Variants in FUT8 observed in about 807,000 individuals in gnomAD.
FUT8 encodes the protein fucosyltransferase 8, also known as alpha-(1,6)-fucosyltransferase.
FUT8 carries 29 observed loss-of-function variants against 71.3 expected under a neutral mutation model. The ratio of observed to expected loss-of-function variants is 0.41; its 90% CI spans 0.30 to 0.55. The LOEUF (loss-of-function observed/expected upper bound fraction) is 0.55. FUT8 is among the 20% of genes least tolerant of loss of function. The pLI, the probability that FUT8 is intolerant of heterozygous loss-of-function variation, is 0.34. For synonymous variants in FUT8, 254 were observed against 239.3 expected (o/e 1.06, Z -0.57); for missense variants, 544 against 702.1 (o/e 0.77, Z 2.55).
the FUT8 span, among the ~76,000 whole-genome samples, chr14:65,386,288 A>G: frequency 6.6e-6 from 1 of 151,858 alleles, no homozygotes; most frequent in Admixed American, 6.6e-5. Flanking sequence ...GCCCAGGTGG[A>G]TGGCTTGAGC....
chr14:65,471,229 C>T (rs906839046), intron 2 of FUT8: 1 of 182,324 alleles, frequency 5.5e-6, no homozygotes, highest in South Asian at 1.4e-4. Context: ...CTCTTTTTCT[C>T]GGTCAAAGGA....
In FUT8 at chr14:65,742,215, T is replaced by G; in HGVS notation, c.1533T>G (p.Tyr511Ter). 1 of 1,613,242 alleles carries G rather than the reference T, an allele frequency of 6.2e-7. No individual in the cohort carries two copies. The highest frequency in any genetic ancestry group is 8.5e-7 in the Non-Finnish European group (1 of 1,179,448). The change falls in exon 11 of 11, where the codon TAT becomes TAG. Residue 511 changes from tyrosine to a stop codon, truncating the protein, a stop_gained. Transcript: ENST00000673929. LOFTEE classifies it high-confidence loss of function. ...GQNAHNQIAI[Y>*]AHQPRTADEI... ...ATGCCCACAATCAAATTGCCATTTA[T>G]GCTCACCAACCCCGAACTGCAGATG...
rs887051679 is a variant in FUT8 at position 65,627,734 on chromosome 14, G to T, written c.483-1758G>T. ...TCTGCCATTTTGCCTCTTAGTACGCGTTTGAGCCAACTCACACAACTCTTG... is the reference window on the plus strand; with the variant it reads ...TCTGCCATTTTGCCTCTTAGTACGCTTTTGAGCCAACTCACACAACTCTTG... On this transcript the variant is annotated intron_variant, in intron 5 of 10. Coordinates refer to ENST00000673929, the MANE Select transcript of FUT8 (RefSeq NM_001371533.1). This position sits in a 1 kb window ranked among gnomAD's most constrained non-coding sequence, Gnocchi z 4.0. Among the ~76,000 whole-genome samples the T allele has an allele frequency of 6.6e-6, 1 of 152,174 alleles. No homozygotes were observed. Among genetic ancestry groups the T allele is most frequent in the African/African-American group, 2.4e-5 (1 of 41,438 alleles).
the FUT8 span, among the ~76,000 whole-genome samples, chr14:65,381,353 G>A: frequency 1.3e-5 from 2 of 152,190 alleles, no homozygotes; most frequent in Non-Finnish European, 2.9e-5. Flanking sequence ...TGCAGGCCAG[G>A]CTTTAAAGGG....
chr14:65,639,682 A>G (rs1311452818), intron 6 of FUT8, among the ~76,000 whole-genome samples: 1 of 152,066 alleles, frequency 6.6e-6, no homozygotes, highest in Non-Finnish European at 1.5e-5. Context: ...AACTTTTATT[A>G]TGGAAAACTT....
the FUT8 span, among the ~76,000 whole-genome samples, chr14:65,368,906 C>T: frequency 3.0e-4 from 45 of 152,290 alleles, no homozygotes; most frequent in Non-Finnish European, 4.9e-4. Context: ...GCAATCCACC[C>T]GCCTTGGCCT....
chr14:65,418,313 A>C (rs2065247869), intron 1 of FUT8, among the ~76,000 whole-genome samples: 1 of 152,224 alleles, frequency 6.6e-6, no homozygotes. Context: ...TGGACAATGA[A>C]TGAGTTTTAA....
chr14:65,416,002 A>G lies in FUT8; in HGVS notation c.-326+2788A>G, dbSNP rs536096691. On this transcript the variant is annotated intron_variant, in intron 1 of 10. Transcript: ENST00000673929. Reference sequence around the variant, plus strand: ...ATCATTGGAATATTGGTTTTTTTGCAGATAGTGTTTGGGCTGTTTATTATC... The same window carrying G: ...ATCATTGGAATATTGGTTTTTTTGCGGATAGTGTTTGGGCTGTTTATTATC... Among the ~76,000 whole-genome samples the G allele has an allele frequency of 4.5e-4, 69 of 152,302 alleles. No individual in the cohort carries two copies. The South Asian group carries it at 0.014, about 32-fold the overall frequency.
chr14:65,656,033 C>G (rs1234113487), intron 6 of FUT8, among the ~76,000 whole-genome samples: 2 of 152,110 alleles, frequency 1.3e-5, no homozygotes, highest in Admixed American at 1.3e-4. Flanking sequence ...AGACTTTTCT[C>G]TAAGATCTGG....
intron 2 of FUT8, among the ~76,000 whole-genome samples, chr14:65,512,907 CA>C (rs35280167): frequency 1.1e-3 from 89 of 83,978 alleles, no homozygotes; most frequent in Middle Eastern, 6.3e-3. Flanking sequence ...GACTCTGTCT[CA>C]AAAAAAAAAA....
chr14:65,370,221 T>A, the FUT8 span, among the ~76,000 whole-genome samples: 2 of 144,410 alleles, frequency 1.4e-5, no homozygotes, highest in African/African-American at 5.1e-5. Flanking sequence ...TTTTTTTTTT[T>A]TTTTGAGACG....
chr14:65,634,771 T>C (rs923676281), intron 6 of FUT8, among the ~76,000 whole-genome samples: 3 of 152,176 alleles, frequency 2.0e-5, no homozygotes, highest in Non-Finnish European at 4.4e-5. Context: ...GTGTGATGCC[T>C]CCAGATTTAT....
In FUT8 at chr14:65,732,725, A is replaced by G. The variant is rs571083038; in HGVS notation, c.1260-506A>G. 9.0e-4 allele frequency among the ~76,000 whole-genome samples: 137 copies of G among 152,348 alleles called. 1 individual carries two copies. Among genetic ancestry groups the G allele is most frequent in the African/African-American group, 2.8e-3 (118 of 41,586 alleles). On this transcript the variant is annotated intron_variant, in intron 9 of 10. Coordinates refer to ENST00000673929, the MANE Select transcript of FUT8 (RefSeq NM_001371533.1). ...TTAAGGGAGACTGTTAGTTCTCACA[A>G]ATTTTTAAAATATTCATCTCTTAAC...
intron 5 of FUT8, among the ~76,000 whole-genome samples, chr14:65,616,706 G>A (rs970383952): frequency 3.3e-5 from 5 of 152,064 alleles, no homozygotes; most frequent in South Asian, 2.1e-4. Flanking sequence ...AGTGGAGTGT[G>A]CAGTTTTGCA....
At chr14:65,386,503 C>CAAAAA in the FUT8 span, among the ~76,000 whole-genome samples, 3 of 46,862 alleles carry the variant, frequency 6.4e-5, no homozygotes, top group Non-Finnish European at 1.5e-4. Flanking sequence ...GACCTCGTCT[C>CAAAAA]AAAAAAAAAA....
At chr14:65,663,916 A>G (rs1291100517) in intron 6 of FUT8, among the ~76,000 whole-genome samples, 8 of 152,102 alleles carry the variant, frequency 5.3e-5, no homozygotes, top group African/African-American at 1.9e-4. Flanking sequence ...TATAGTTTCC[A>G]AACTAAAGGT....
chr14:65,542,194 C>T (rs567133366), intron 2 of FUT8, among the ~76,000 whole-genome samples: 21 of 152,262 alleles, frequency 1.4e-4, no homozygotes, highest in South Asian at 6.2e-4. Context: ...GAGAGACCAG[C>T]GTAATAGGAA....
chr14:65,641,484 C>G (rs972162182), intron 6 of FUT8, among the ~76,000 whole-genome samples: 4 of 152,212 alleles, frequency 2.6e-5, no homozygotes, highest in East Asian at 1.9e-4. Context: ...TATGTACAAG[C>G]CTTTCTGTGG....
intron 3 of FUT8, among the ~76,000 whole-genome samples, chr14:65,575,847 T>G (rs1886743679): frequency 6.6e-6 from 1 of 152,188 alleles, no homozygotes; most frequent in South Asian, 2.1e-4. Context: ...CTCGAACTCC[T>G]GGCTTCAATT....
Sources: gnomAD v4.1 joint callset for allele counts (sites outside exome capture counted in the v4.1 genomes callset) on GRCh38, gnomAD v4.1.1 for gene constraint, Gnocchi (gnomAD v3.1) non-coding constraint, MANE v1.5 for transcripts, NCBI Gene and HGNC (gene_info 2026-07-23, HGNC 2026-07-21) for gene names.